CSMD3: variants seen among roughly 807,000 people sequenced by gnomAD.
CSMD3 encodes the protein CUB and Sushi multiple domains 3.
CSMD3 carries 177 observed loss-of-function variants against 435.2 expected under a neutral mutation model. That is an observed-to-expected ratio of 0.41 (90% CI 0.36 to 0.46). The LOEUF (loss-of-function observed/expected upper bound fraction) is 0.46. Among genes scored for constraint, CSMD3 ranks in the 20% least tolerant of loss-of-function variants. The pLI is 0.34. For missense variants in CSMD3, 4,265 were observed against 4,504.6 expected (o/e 0.95, Z 1.52); for synonymous variants, 1,656 against 1,520.5 (o/e 1.09, Z -2.07).
intron 1 of CSMD3, among the ~76,000 whole-genome samples, chr8:113,425,664 T>G (rs1345843122): frequency 2.6e-5 from 4 of 151,570 alleles, no homozygotes; most frequent in Non-Finnish European, 5.9e-5. Context: ...AGTTTCTGTC[T>G]GACCTCCTTT....
At chr8:112,503,399 T>C (rs1822183144) in intron 30 of CSMD3, among the ~76,000 whole-genome samples, 2 of 152,218 alleles carry the variant, frequency 1.3e-5, no homozygotes. Context: ...TTTTCTGAAA[T>C]ACAGTTATCG....
chr8:113,051,253 G>C (rs1011473407), intron 5 of CSMD3, among the ~76,000 whole-genome samples: 2 of 152,002 alleles, frequency 1.3e-5, no homozygotes, highest in Non-Finnish European at 2.9e-5. Context: ...TCCACCTACT[G>C]CTTCCAGTGA....
intron 3 of CSMD3, among the ~76,000 whole-genome samples, chr8:113,199,403 A>G (rs2092694020): frequency 6.6e-6 from 1 of 151,762 alleles, no homozygotes; most frequent in African/African-American, 2.4e-5. Context: ...ATTACTGTTG[A>G]TCTGTCTGCA....
chr8:113,393,462 G>C (rs1247135162), intron 1 of CSMD3, among the ~76,000 whole-genome samples: 2 of 152,068 alleles, frequency 1.3e-5, no homozygotes, highest in African/African-American at 4.8e-5. Context: ...AATGGAGCTG[G>C]AGAAGTCATG....
chr8:112,934,441 T>C (rs1338345806), intron 9 of CSMD3, among the ~76,000 whole-genome samples: 2 of 152,166 alleles, frequency 1.3e-5, no homozygotes, highest in Non-Finnish European at 2.9e-5. Context: ...CCATCATGAA[T>C]TGTGCAAACT....
At chr8:113,321,711 G>T (rs2093950510) in intron 1 of CSMD3, among the ~76,000 whole-genome samples, 1 of 152,122 alleles carries the variant, frequency 6.6e-6, no homozygotes, top group South Asian at 2.1e-4. Context: ...CATACCAAAT[G>T]ACTCTCCAAA....
rs1297139714 is a variant in CSMD3 at position 113,314,609 on chromosome 8, T to C, written c.363A>G (p.Leu121=). The change falls in exon 2 of 71, where the codon TTA becomes TTG. Residue 121 remains leucine (L), a synonymous_variant. Transcript: ENST00000297405. The stretch of plus-strand genomic sequence containing the variant: ...TTGTAGGATGAGGATGTCCATCATA[T>C]AATGATAAGTAGTCGTATTCTTCTT... ...ALEEEYDYLS[L]YDGHPHPTNF... 1.2e-6 allele frequency: 2 copies of C among 1,608,956 alleles called. No individual in the cohort carries two copies. Among genetic ancestry groups the C allele is most frequent in the East Asian group, 2.2e-5 (1 of 44,726 alleles).
intron 13 of CSMD3, among the ~76,000 whole-genome samples, chr8:112,697,075 C>T (rs1586995629): frequency 6.7e-6 from 1 of 149,546 alleles, no homozygotes; most frequent in South Asian, 2.1e-4. Flanking sequence ...AGTCAGGAAA[C>T]AACAGGTGCT....
chr8:112,939,429 G>A (rs1007478230), intron 9 of CSMD3, among the ~76,000 whole-genome samples: 4 of 151,978 alleles, frequency 2.6e-5, no homozygotes, highest in African/African-American at 9.7e-5. Context: ...AGATAATCTA[G>A]TCCTTCACTG....
At chr8:113,342,304 T>C (rs1423055552) in intron 1 of CSMD3, among the ~76,000 whole-genome samples, 2 of 152,170 alleles carry the variant, frequency 1.3e-5, no homozygotes, top group Admixed American at 6.5e-5. Flanking sequence ...CTAGCTTCAA[T>C]ACACGATTCT....
At chr8:112,589,489 C>A (rs1481604416) in intron 22 of CSMD3, among the ~76,000 whole-genome samples, 1 of 152,066 alleles carries the variant, frequency 6.6e-6, no homozygotes, top group Non-Finnish European at 1.5e-5. Context: ...AAAGCAACAA[C>A]CCATTAAAAT....
intron 31 of CSMD3, among the ~76,000 whole-genome samples, chr8:112,475,422 T>C (rs1818947890): frequency 6.6e-6 from 1 of 152,156 alleles, no homozygotes; most frequent in Admixed American, 6.5e-5. Flanking sequence ...TGTTAGATTC[T>C]GTTATTTGTA....
chr8:113,039,281 AT>A (rs1444832234), intron 5 of CSMD3, among the ~76,000 whole-genome samples: 1 of 152,156 alleles, frequency 6.6e-6, no homozygotes, highest in African/African-American at 2.4e-5. Flanking sequence ...ATTTATATCT[AT>A]GGTTAGAATC....
chr8:112,649,082 G>T (rs1563810468), intron 19 of CSMD3, among the ~76,000 whole-genome samples: 1 of 152,150 alleles, frequency 6.6e-6, no homozygotes, highest in African/African-American at 2.4e-5. Flanking sequence ...TCCTCATACG[G>T]AAAAAGCCTG....
At chr8:112,470,937 C>T (rs1203745127) in intron 32 of CSMD3, among the ~76,000 whole-genome samples, 1 of 151,832 alleles carries the variant, frequency 6.6e-6, no homozygotes, top group Non-Finnish European at 1.5e-5. Context: ...GTTTTAAAAA[C>T]CAACTATTAT....
intron 22 of CSMD3, among the ~76,000 whole-genome samples, chr8:112,626,165 C>T (rs998285868): frequency 2.6e-5 from 4 of 151,862 alleles, no homozygotes; most frequent in Admixed American, 6.6e-5. Flanking sequence ...TATCTCATAC[C>T]GATAATATTT....
rs1320764173 is a variant in CSMD3 at position 112,833,763 on chromosome 8, CTTGTGAACTAATA to C, written c.1756-3987_1756-3975del. Among the ~76,000 whole-genome samples, 3 of 151,362 alleles carry C rather than the reference CTTGTGAACTAATA, an allele frequency of 2.0e-5. No individual in the cohort carries two copies. The East Asian group carries it at 5.8e-4, about 29-fold the overall frequency. On this transcript the variant is annotated intron_variant, in intron 11 of 70. Coordinates refer to ENST00000297405, the MANE Select transcript of CSMD3 (RefSeq NM_198123.2). ...TAGTTTTATACATTTCTTTTGTTTT[CTTGTGAACTAATA>C]ATGACATGAACACTACCATGTTTCT...
In CSMD3 at chr8:112,721,074, T is replaced by G. The variant is rs113312245; in HGVS notation, c.1973-31024A>C. 2.6e-4 allele frequency among the ~76,000 whole-genome samples: 39 copies of G among 152,274 alleles called. 1 individual carries two copies. The highest frequency in any genetic ancestry group is 8.4e-4 in the African/African-American group (35 of 41,566). ...GTTAGTGTCCATATATATGGTTAAA[T>G]GCCAACTCTAGATTAGAGTTGCTCA... On this transcript the variant is annotated intron_variant, in intron 13 of 70. Transcript: ENST00000297405.
intron 5 of CSMD3, among the ~76,000 whole-genome samples, chr8:113,065,719 G>T (rs1369015439): frequency 6.6e-6 from 1 of 152,052 alleles, no homozygotes; most frequent in Non-Finnish European, 1.5e-5. Flanking sequence ...AAATTATCTG[G>T]TCTTTATCAT....
Sources: allele counts gnomAD v4.1 joint callset (sites outside exome capture counted in the v4.1 genomes callset), GRCh38; gene constraint gnomAD v4.1.1; transcripts MANE v1.5; gene names NCBI Gene and HGNC (gene_info 2026-07-23, HGNC 2026-07-21).